Variants in CDKL1 observed in about 807,000 individuals in gnomAD.
CDKL1 encodes the protein cyclin-dependent kinase-like 1.
Under a neutral mutation model 42.0 loss-of-function variants are expected in CDKL1, and 41 were observed. That is an observed-to-expected ratio of 0.98 (90% CI 0.76 to 1.27). The LOEUF is 1.27. Ranked by LOEUF, CDKL1 falls within the 50% of genes most tolerant of loss-of-function variation. The pLI, the probability that CDKL1 is intolerant of heterozygous loss-of-function variation, is 0.00. For missense variants in CDKL1, 394 were observed against 428.4 expected, an observed-to-expected ratio of 0.92 and a Z score of 0.71; for synonymous variants, 153 against 158.6, an observed-to-expected ratio of 0.96 and a Z score of 0.26.
Position 50,341,043 on chromosome 14 carries a change from C to T in CDKL1, c.644G>A (p.Arg215Lys), listed in dbSNP as rs1595274170. Reference protein sequence around the residue: ...KSDVDQLYLIRKTLGDLIPRH... With the variant: ...KSDVDQLYLIKKTLGDLIPRH... The stretch of plus-strand genomic sequence containing the variant: ...AAAACACCACTTACCCAAGGTCTTC[C>T]TAATCAGATACAGCTGATCCACATC... The change falls in exon 6 of 10, where the codon AGG becomes AAG. Residue 215 changes from arginine (R) to lysine (K), a missense_variant. Coordinates refer to ENST00000395834, the MANE Select transcript of CDKL1 (RefSeq NM_004196.7). 1 of 1,613,160 alleles carries T rather than the reference C, an allele frequency of 6.2e-7. No homozygotes were observed.
intron 2 of CDKL1, among the ~76,000 whole-genome samples, chr14:50,370,656 G>A (rs550534267): frequency 1.3e-5 from 2 of 152,266 alleles, no homozygotes; most frequent in East Asian, 1.9e-4. Context: ...CAGGAAACAC[G>A]GGGCTGGCAT....
intron 5 of CDKL1, among the ~76,000 whole-genome samples, chr14:50,341,466 G>T (rs980694190): frequency 2.4e-5 from 3 of 127,510 alleles, no homozygotes; most frequent in Non-Finnish European, 3.4e-5. Flanking sequence ...TGGGGGGGGG[G>T]GGGGGGTTAT....
chr14:50,362,564 T>A (rs2034296780), intron 2 of CDKL1, among the ~76,000 whole-genome samples: 2 of 152,050 alleles, frequency 1.3e-5, no homozygotes, highest in Admixed American at 1.3e-4. Flanking sequence ...GCTAAGGGAT[T>A]GTAAATACAC....
rs748587913 is a variant in CDKL1 at position 50,395,865 on chromosome 14, C to T, written c.4G>A (p.Glu2Lys). The change falls in exon 2 of 10, where the codon GAG (glutamate) becomes AAG (lysine). Residue 2 changes from glutamate (E) to lysine (K), a missense_variant. By Grantham distance (56) the Glu-to-Lys change is moderately conservative. Coordinates refer to ENST00000395834, the MANE Select transcript of CDKL1 (RefSeq NM_004196.7). ...ATTTTCCCAATTTTTTCATACTTCT[C>T]CATCATAGAGGAATAAATCTTCTTA... M[E>K]KYEKIGKIGE... The T allele has an allele frequency of 6.2e-7, 1 of 1,611,798 alleles. No individual in the cohort carries two copies. The highest frequency in any genetic ancestry group is 1.1e-5 in the South Asian group (1 of 91,030).
intron 2 of CDKL1, among the ~76,000 whole-genome samples, chr14:50,391,840 G>A (rs937386398): frequency 1.3e-5 from 2 of 152,080 alleles, no homozygotes; most frequent in Middle Eastern, 3.4e-3. Context: ...CTTCTCACTC[G>A]TATAATAAAA....
chr14:50,340,902 G>A, intron 6 of CDKL1, 130 bp downstream of exon 6: 1 of 894,082 alleles, frequency 1.1e-6, no homozygotes, highest in Non-Finnish European at 1.7e-6. Flanking sequence ...TTTAAATGAG[G>A]CTTCGAGTTT....
intron 4 of CDKL1, among the ~76,000 whole-genome samples, chr14:50,343,928 G>A (rs952364516): frequency 2.0e-5 from 3 of 152,174 alleles, no homozygotes; most frequent in Non-Finnish European, 2.9e-5. Context: ...TCCTCCTTCC[G>A]GGAATGCAGC....
intron 2 of CDKL1, among the ~76,000 whole-genome samples, chr14:50,380,812 T>G (rs868174800): frequency 7.3e-5 from 11 of 150,602 alleles, no homozygotes; most frequent in African/African-American, 1.5e-4. Context: ...CTTTTTTTTT[T>G]GGGACAGAGC....
At chr14:50,348,259 A>T (rs982923153) in intron 3 of CDKL1, among the ~76,000 whole-genome samples, 1 of 152,240 alleles carries the variant, frequency 6.6e-6, no homozygotes, top group African/African-American at 2.4e-5. Flanking sequence ...TCTCTATGGA[A>T]CTAGGAGCTA....
Position 50,359,111 on chromosome 14 carries a change from G to C in CDKL1, c.207C>G (p.Val69=), listed in dbSNP as rs1021741794. 1.2e-6 allele frequency: 2 copies of C among 1,612,594 alleles called. No homozygotes were observed. Among genetic ancestry groups the C allele is most frequent in the East Asian group, 2.2e-5 (1 of 44,858 alleles). The change falls in exon 3 of 10, where the codon GTC becomes GTG. Residue 69 remains valine (V), a synonymous_variant. Coordinates refer to ENST00000395834, the MANE Select transcript of CDKL1 (RefSeq NM_004196.7). ...GGTGAAGCCTCCGTTTCCTCCTGAAGACTTCCAGGAGGTTAACAAGGTTGG... is the reference window on the plus strand; with the variant it reads ...GGTGAAGCCTCCGTTTCCTCCTGAACACTTCCAGGAGGTTAACAAGGTTGG... ...KHPNLVNLLE[V]FRRKRRLHLV... is the part of the protein sequence containing the mutation.
chr14:50,358,420 A>ATAATCT (rs1555341489), intron 3 of CDKL1, among the ~76,000 whole-genome samples: 1 of 152,158 alleles, frequency 6.6e-6, no homozygotes, highest in Non-Finnish European at 1.5e-5. Context: ...GGTCAGGCAT[A>ATAATCT]GACTAACTAA....
intron 7 of CDKL1, chr14:50,336,270 T>C (rs1292892098): frequency 8.0e-7 from 1 of 1,242,522 alleles, no homozygotes; most frequent in East Asian, 5.7e-5. Flanking sequence ...CCTCTTCCTG[T>C]GTTTCTGTCA....
At chr14:50,331,104 A>G (rs4898655) in intron 9 of CDKL1, 88,994 of 152,128 alleles carry the variant, frequency 0.58, 26,107 homozygotes, top group East Asian at 0.78. Flanking sequence ...ATACTGGCAC[A>G]TGCCTGTAAT....
At chr14:50,383,253 G>A (rs2034974567) in intron 2 of CDKL1, among the ~76,000 whole-genome samples, 1 of 151,302 alleles carries the variant, frequency 6.6e-6, no homozygotes, top group Non-Finnish European at 1.5e-5. Flanking sequence ...ATAACGATAT[G>A]TAATACACAC....
intron 6 of CDKL1, among the ~76,000 whole-genome samples, chr14:50,340,255 G>A (rs964140526): frequency 6.6e-6 from 1 of 152,154 alleles, no homozygotes; most frequent in South Asian, 2.1e-4. Flanking sequence ...CACTGGTGGA[G>A]GGTAAGTAGA....
chr14:50,378,168 TTCCTTTACCTGCAGACCTTAAAAA>T (rs2034788718), intron 2 of CDKL1: 1 of 1,366,088 alleles, frequency 7.3e-7, no homozygotes, highest in African/African-American at 1.5e-5. Context: ...GGTTAGCTGC[TTCCTTTACCTGCAGACCTTAAAAA>T]TCCCTCACAT....
intron 2 of CDKL1, chr14:50,378,236 T>C (rs1299664907): frequency 7.3e-7 from 1 of 1,366,366 alleles, no homozygotes; most frequent in African/African-American, 1.5e-5. Flanking sequence ...GGGATGCCTG[T>C]CCTCCTTAGA....
intron 7 of CDKL1, chr14:50,335,649 GCTGAGAAAATAAGAGC>G: frequency 1.3e-6 from 2 of 1,513,628 alleles, no homozygotes; most frequent in Non-Finnish European, 1.8e-6. Context: ...GAGCAGAGAG[GCTGAGAAAATAAGAGC>G]CAGCCAAGCT....
At chr14:50,338,237 T>C (rs1403807373) in intron 7 of CDKL1, among the ~76,000 whole-genome samples, 1 of 152,150 alleles carries the variant, frequency 6.6e-6, no homozygotes, top group Non-Finnish European at 1.5e-5. Flanking sequence ...TTATTTATTT[T>C]GGAAAGAGTC....
Sources: allele counts gnomAD v4.1 joint callset (sites outside exome capture counted in the v4.1 genomes callset), GRCh38; gene constraint gnomAD v4.1.1; transcripts MANE v1.5; gene names NCBI Gene and HGNC (gene_info 2026-07-23, HGNC 2026-07-21).